The following ANK2 variants were observed in gnomAD, a reference collection of about 807,000 sequenced individuals.
The protein encoded by ANK2 is ankyrin-2.
ANK2 carries 83 observed loss-of-function variants against 360.5 expected under a neutral mutation model. The observed-to-expected ratio is 0.23, with a 90% CI of 0.19 to 0.28. The LOEUF (loss-of-function observed/expected upper bound fraction) is 0.28. ANK2 is among the 10% of genes least tolerant of loss of function. ANK2 has a pLI of 1.00. For synonymous variants in ANK2, 1,740 were observed against 1,759.5 expected (o/e 0.99, Z 0.28); for missense variants, 4,201 against 4,795.7 (o/e 0.88, Z 3.66).
At chr4:112,919,440 T>A (rs1206240921) in intron 2 of ANK2, among the ~76,000 whole-genome samples, 1 of 152,094 alleles carries the variant, frequency 6.6e-6, no homozygotes, top group Non-Finnish European at 1.5e-5. Flanking sequence ...GTCCAACGTG[T>A]CAGGTAAGGA....
At chr4:113,213,702 A>T (rs747409061) in intron 4 of ANK2, among the ~76,000 whole-genome samples, 2 of 152,198 alleles carry the variant, frequency 1.3e-5, no homozygotes, top group Non-Finnish European at 2.9e-5. Context: ...TTAATTCCAG[A>T]TTAAATAGAT....
chr4:113,357,147 C>A lies in ANK2; in HGVS notation c.8529C>A (p.Ser2843Arg). 1.2e-6 allele frequency: 2 copies of A among 1,614,128 alleles called. No homozygotes were observed. The highest frequency in any genetic ancestry group is 1.7e-6 in the Non-Finnish European group (2 of 1,179,978). The change falls in exon 38 of 46, where the codon AGC (serine) becomes AGA (arginine). Residue 2843 changes from serine to arginine, a missense_variant. By Grantham distance (110) the Ser-to-Arg change is moderately radical. Transcript: ENST00000357077. ...ESPQADCPSE[S>R]FSSSSSLPHC... ...CACAAGCAGATTGCCCCAGTGAAAGCTTTTCATCTTCATCCTCTTTGCCTC... is the reference window on the plus strand; with the variant it reads ...CACAAGCAGATTGCCCCAGTGAAAGATTTTCATCTTCATCCTCTTTGCCTC...
chr4:113,269,413 C>T (rs544712170), intron 14 of ANK2, among the ~76,000 whole-genome samples: 1 of 152,342 alleles, frequency 6.6e-6, no homozygotes, highest in Non-Finnish European at 1.5e-5. Flanking sequence ...TGTAGGCACC[C>T]GAGGGAACCT....
In ANK2 at chr4:112,878,745, T is replaced by C. The variant is rs975493772; in HGVS notation, c.-39-25710T>C. On this transcript the variant is annotated intron_variant, in intron 1 of 30. Transcript: ENST00000503271. The stretch of plus-strand genomic sequence containing the variant: ...GCCTCTCGTGTTCACGCCATTTTCC[T>C]GCCTCAGCCTGTCCGAGTAGCTGGG... 4.1e-4 allele frequency among the ~76,000 whole-genome samples: 63 copies of C among 152,218 alleles called. 1 individual carries two copies. Among genetic ancestry groups the C allele is most frequent in the East Asian group, 9.7e-4 (5 of 5,160 alleles).
the ANK2 span, among the ~76,000 whole-genome samples, chr4:112,736,430 A>G: frequency 7.4e-4 from 111 of 149,968 alleles, 2 homozygotes; most frequent in South Asian, 0.011. Context: ...GCTCCACCGC[A>G]CTCCAGCCTG....
chr4:113,219,816 A>T (rs370166041), intron 4 of ANK2, among the ~76,000 whole-genome samples: 1 of 152,168 alleles, frequency 6.6e-6, no homozygotes, highest in Non-Finnish European at 1.5e-5. Context: ...ATGCTCCCTT[A>T]TAAACTAATG....
chr4:113,145,993 C>T, intron 1 of ANK2: 1 of 1,289,672 alleles, frequency 7.8e-7, no homozygotes, highest in East Asian at 5.6e-5. Context: ...GTCAAAGAAC[C>T]TGGAGTGTGG....
intron 1 of ANK2, among the ~76,000 whole-genome samples, chr4:113,119,636 C>T (rs1163146955): frequency 6.6e-6 from 1 of 152,060 alleles, no homozygotes; most frequent in Non-Finnish European, 1.5e-5. Flanking sequence ...GGGAAAGCAT[C>T]AGTTGTAGAG....
chr4:113,265,568 T>C (rs1413777154), intron 14 of ANK2, among the ~76,000 whole-genome samples: 1 of 152,212 alleles, frequency 6.6e-6, no homozygotes, highest in Non-Finnish European at 1.5e-5. Context: ...CACTGAAGAT[T>C]GCTTGATCAG....
rs1203293302 is a variant in ANK2 at position 113,335,888 on chromosome 4, G to A, written c.3422G>A (p.Arg1141His). 3.1e-6 allele frequency: 5 copies of A among 1,614,002 alleles called. No individual in the cohort carries two copies. The highest frequency in any genetic ancestry group is 2.2e-5 in the East Asian group (1 of 44,886). The change falls in exon 30 of 46, where the codon CGC becomes CAC. Residue 1141 changes from arginine (R) to histidine (H), a missense_variant. By Grantham distance (29) the Arg-to-His change is conservative. Around this residue, in one of 4 missense-constraint regions of ANK2, gnomAD observed 1,268 missense variants for 1,650.8 expected, o/e 0.77. Coordinates refer to ENST00000357077, the MANE Select transcript of ANK2 (RefSeq NM_001148.6). Reference sequence around the variant, plus strand: ...GACCTAGAAAAGAAACGAATCTGCCGCATCATCACCCGAGACTTCCCACAG... The same window carrying A: ...GACCTAGAAAAGAAACGAATCTGCCACATCATCACCCGAGACTTCCCACAG... The part of the protein sequence containing the change: ...PEDLEKKRIC[R>H]IITRDFPQYF...
chr4:112,908,266 G>A (rs962285503), intron 2 of ANK2, among the ~76,000 whole-genome samples: 1 of 152,128 alleles, frequency 6.6e-6, no homozygotes, highest in African/African-American at 2.4e-5. Flanking sequence ...GCAATGAGGT[G>A]GATATTATAA....
chr4:112,822,683 T>C (rs568744552), intron 1 of ANK2, among the ~76,000 whole-genome samples: 1 of 150,986 alleles, frequency 6.6e-6, no homozygotes, highest in Non-Finnish European at 1.5e-5. Context: ...GAGGCGGAGG[T>C]TGCAGTGAGC....
At chr4:112,764,853 A>G in the ANK2 span, among the ~76,000 whole-genome samples, 4 of 151,676 alleles carry the variant, frequency 2.6e-5, no homozygotes, top group South Asian at 8.3e-4. Context: ...GATTACAGGC[A>G]TGTGCCACCA....
At chr4:113,258,433 A>G in intron 13 of ANK2, 22 bp downstream of exon 13, 2 of 1,595,552 alleles carry the variant, frequency 1.3e-6, no homozygotes, top group East Asian at 2.2e-5. Context: ...TTGGGTCAGA[A>G]TAACCCCAGG....
At chr4:112,774,111 T>G in the ANK2 span, among the ~76,000 whole-genome samples, 1 of 152,002 alleles carries the variant, frequency 6.6e-6, no homozygotes, top group Non-Finnish European at 1.5e-5. Context: ...GATTACAGGC[T>G]TGAGCCACCG....
At chr4:112,756,975 A>G in the ANK2 span, among the ~76,000 whole-genome samples, 1 of 152,138 alleles carries the variant, frequency 6.6e-6, no homozygotes, top group Non-Finnish European at 1.5e-5. Flanking sequence ...TCCATCTCAA[A>G]AGAAAAAGGA....
At chr4:113,213,656 C>T (rs189802065) in intron 4 of ANK2, among the ~76,000 whole-genome samples, 133 of 152,094 alleles carry the variant, frequency 8.7e-4, no homozygotes, top group Non-Finnish European at 8.2e-4. Context: ...GGAATCAGCC[C>T]GATATTCCTA....
the ANK2 span, among the ~76,000 whole-genome samples, chr4:112,710,512 A>C: frequency 3.9e-5 from 6 of 152,130 alleles, no homozygotes; most frequent in Non-Finnish European, 8.8e-5. Context: ...CCTGGCCAAC[A>C]TGGTGAAACC....
At chr4:113,127,402 A>G (rs1195245156) in intron 1 of ANK2, among the ~76,000 whole-genome samples, 1 of 152,120 alleles carries the variant, frequency 6.6e-6, no homozygotes, top group African/African-American at 2.4e-5. Flanking sequence ...GTCAATGGCA[A>G]TGGAAAAATT....
Sources: gnomAD v4.1 joint callset for allele counts (sites outside exome capture counted in the v4.1 genomes callset) on GRCh38, gnomAD v4.1.1 for gene constraint, gnomAD v4.1.1 regional missense constraint, MANE v1.5 for transcripts, NCBI Gene and HGNC (gene_info 2026-07-23, HGNC 2026-07-21) for gene names.